The following TBK1 variants were observed in gnomAD, a reference collection of about 807,000 sequenced individuals.
TBK1 encodes the protein TANK binding kinase 1.
In TBK1, 37 loss-of-function variants were observed where a neutral mutation model predicts 99.9. The observed-to-expected ratio is 0.37, with a 90% CI of 0.28 to 0.49. The LOEUF is 0.49. Among genes scored for constraint, TBK1 ranks in the 20% least tolerant of loss-of-function variants. TBK1 has a pLI of 0.98. For synonymous variants in TBK1, 258 were observed against 279.8 expected (o/e 0.92, Z 0.78); for missense variants, 644 against 872.5 (o/e 0.74, Z 3.30).
intron 16 of TBK1, 28 bp downstream of exon 16, chr12:64,496,434 T>C: frequency 1.7e-6 from 2 of 1,164,310 alleles, no homozygotes; most frequent in South Asian, 3.1e-5. Flanking sequence ...GTTTAATAGT[T>C]ATTTTTGGTG....
chr12:64,484,607 TG>T, intron 9 of TBK1, 108 bp downstream of exon 9: 1 of 1,050,346 alleles, frequency 9.5e-7, no homozygotes, highest in Non-Finnish European at 1.3e-6. Context: ...CAAAAATTAG[TG>T]GGGCATGGTG....
At chr12:64,482,739 G>A (rs1031266062) in intron 8 of TBK1, among the ~76,000 whole-genome samples, 3 of 152,170 alleles carry the variant, frequency 2.0e-5, no homozygotes, top group Admixed American at 6.5e-5. Flanking sequence ...GTACAGGTTC[G>A]TAGCCTAGGA....
intron 2 of TBK1, among the ~76,000 whole-genome samples, chr12:64,457,842 A>C (rs948444459): frequency 6.6e-6 from 1 of 152,214 alleles, no homozygotes; most frequent in Non-Finnish European, 1.5e-5. Context: ...ATGAGGACTG[A>C]TTAGACTACC....
chr12:64,483,685 C>CT (rs1418831094), intron 8 of TBK1, among the ~76,000 whole-genome samples: 2 of 152,144 alleles, frequency 1.3e-5, no homozygotes. Flanking sequence ...CTAAACCGCT[C>CT]TGCTATGTTG....
At chr12:64,481,314 G>A (rs1565819292) in intron 7 of TBK1, among the ~76,000 whole-genome samples, 1 of 152,100 alleles carries the variant, frequency 6.6e-6, no homozygotes, top group Non-Finnish European at 1.5e-5. Flanking sequence ...AGGGTAACAG[G>A]CATTATCTAT....
chr12:64,482,022 G>T lies in TBK1; in HGVS notation c.992+1G>T. On this transcript the variant is annotated splice_donor_variant, in intron 8 of 20. Coordinates refer to ENST00000331710, the MANE Select transcript of TBK1 (RefSeq NM_013254.4). LOFTEE classifies it high-confidence loss of function. ...AGATTTATATTCATAGCTATAATAC[G>T]TAAGTATCTCTATTTTCTTCTTGTA... 6.6e-7 allele frequency: 1 copy of T among 1,512,242 alleles called. No homozygotes were observed. Among genetic ancestry groups the T allele is most frequent in the Non-Finnish European group, 8.9e-7 (1 of 1,123,548 alleles). 93.7% of individuals were successfully genotyped at this position (1,512,242 alleles called of 1,614,324 possible). A position where few individuals can be genotyped will look rare whatever the true frequency, so the allele number is the denominator to read the frequency against.
At chr12:64,484,623 G>C (rs2040800746) in intron 9 of TBK1, 124 bp downstream of exon 9, 1 of 880,664 alleles carries the variant, frequency 1.1e-6, no homozygotes. Flanking sequence ...ATGGTGGCTT[G>C]CACCTGTAGT....
chr12:64,474,175 G>A (rs545277938), intron 5 of TBK1, 55 bp from the exon 6 acceptor site: 3 of 1,498,470 alleles, frequency 2.0e-6, no homozygotes, highest in Non-Finnish European at 2.7e-6. Flanking sequence ...CCATTTGTTT[G>A]TATAATGAAA....
At chr12:64,495,644 T>A in intron 14 of TBK1, 40 bp downstream of exon 14, 2 of 1,613,056 alleles carry the variant, frequency 1.2e-6, no homozygotes, top group Non-Finnish European at 1.7e-6. Context: ...CTCTTATTAA[T>A]GTCCTTTTTC....
intron 13 of TBK1, among the ~76,000 whole-genome samples, chr12:64,494,521 T>C (rs1304224524): frequency 6.6e-6 from 1 of 152,014 alleles, no homozygotes; most frequent in Non-Finnish European, 1.5e-5. Flanking sequence ...GTTTAAAAAA[T>C]GTTAGAATGC....
chr12:64,486,980 A>G (rs1297068109), intron 11 of TBK1, among the ~76,000 whole-genome samples: 1 of 152,196 alleles, frequency 6.6e-6, no homozygotes, highest in African/African-American at 2.4e-5. Flanking sequence ...TGAATATATA[A>G]TCTAACAAGC....
At chr12:64,453,688 A>T (rs1436820372) in intron 1 of TBK1, among the ~76,000 whole-genome samples, 1 of 152,198 alleles carries the variant, frequency 6.6e-6, no homozygotes, top group Non-Finnish European at 1.5e-5. Context: ...CTGTGGAGGG[A>T]TATTAAAATC....
intron 1 of TBK1, among the ~76,000 whole-genome samples, chr12:64,454,607 G>A (rs972667755): frequency 6.7e-6 from 1 of 148,488 alleles, no homozygotes; most frequent in African/African-American, 2.5e-5. Context: ...TATGTCATTG[G>A]TTAATGTTTT....
In TBK1 at chr12:64,470,280, C is replaced by G. The variant is rs777583336; in HGVS notation, c.540+3198C>G. Among the ~76,000 whole-genome samples, 133 of 152,018 alleles carry G rather than the reference C, an allele frequency of 8.7e-4. No homozygotes were observed. In the Middle Eastern group the frequency reaches 0.014, roughly 16 times the overall value. On this transcript the variant is annotated intron_variant, in intron 5 of 20. Coordinates refer to ENST00000331710, the MANE Select transcript of TBK1 (RefSeq NM_013254.4). ...TAGATAATATTATAAACCTGCACAC[C>G]TAATTAAAATAGCATATCTTAATAA...
At chr12:64,490,553 C>T (rs1310183645) in intron 13 of TBK1, among the ~76,000 whole-genome samples, 4 of 151,876 alleles carry the variant, frequency 2.6e-5, no homozygotes, top group African/African-American at 9.7e-5. Context: ...ATCCATAATG[C>T]TCTTGTGTTC....
intron 4 of TBK1, among the ~76,000 whole-genome samples, chr12:64,465,051 C>T (rs982039040): frequency 2.6e-4 from 39 of 151,900 alleles, no homozygotes; most frequent in African/African-American, 9.4e-4. Flanking sequence ...CAAGATCAGC[C>T]TGAGCAACAC....
At chr12:64,467,456 A>G (rs2040618296) in intron 5 of TBK1, among the ~76,000 whole-genome samples, 1 of 152,140 alleles carries the variant, frequency 6.6e-6, no homozygotes, top group Non-Finnish European at 1.5e-5. Flanking sequence ...TGGTTATTGA[A>G]TGACGAAAAG....
At chr12:64,459,632 A>C (rs1021493473) in intron 2 of TBK1, among the ~76,000 whole-genome samples, 1 of 152,146 alleles carries the variant, frequency 6.6e-6, no homozygotes, top group African/African-American at 2.4e-5. Flanking sequence ...CAGGAAGTCT[A>C]CTTTAGCCTC....
At chr12:64,493,020 C>T (rs1462601939) in intron 13 of TBK1, among the ~76,000 whole-genome samples, 3 of 151,774 alleles carry the variant, frequency 2.0e-5, no homozygotes, top group Non-Finnish European at 2.9e-5. Flanking sequence ...CTCAGCCTCC[C>T]GAGTAGCTGG....
Sources: allele counts gnomAD v4.1 joint callset (sites outside exome capture counted in the v4.1 genomes callset), GRCh38; gene constraint gnomAD v4.1.1; transcripts MANE v1.5; gene names NCBI Gene and HGNC (gene_info 2026-07-23, HGNC 2026-07-21).